The following ACOX3 variants were observed in gnomAD, a reference collection of about 807,000 sequenced individuals.
ACOX3 encodes the protein acyl-CoA oxidase 3, pristanoyl, also known as peroxisomal acyl-coenzyme A oxidase 3.
A neutral mutation model predicts 81.5 loss-of-function variants in ACOX3; 73 were observed. The ratio of observed to expected loss-of-function variants is 0.90; its 90% CI spans 0.74 to 1.09. The LOEUF is 1.09. ACOX3 is among the 50% of genes least tolerant of loss of function. ACOX3 has a pLI of 0.00. For synonymous variants in ACOX3, 387 were observed against 375.1 expected, an observed-to-expected ratio of 1.03 and a Z score of -0.37; for missense variants, 947 against 928.0, an observed-to-expected ratio of 1.02 and a Z score of -0.27.
At chr4:8,438,164 A>G (rs955587766) in intron 1 of ACOX3, among the ~76,000 whole-genome samples, 2 of 152,252 alleles carry the variant, frequency 1.3e-5, no homozygotes, top group Admixed American at 1.3e-4. Context: ...AGTTTTCCCC[A>G]CCAGGACAGA....
intron 5 of ACOX3, among the ~76,000 whole-genome samples, chr4:8,413,930 C>T (rs1722059148): frequency 6.6e-6 from 1 of 152,246 alleles, no homozygotes; most frequent in African/African-American, 2.4e-5. Flanking sequence ...CCATGGGGCC[C>T]ACCGTAGAAA....
the ACOX3 span, among the ~76,000 whole-genome samples, chr4:8,360,798 T>C: frequency 4.6e-5 from 7 of 152,176 alleles, no homozygotes; most frequent in African/African-American, 1.7e-4. Flanking sequence ...TTCAGTTTCC[T>C]ACTCTGGAGC....
chr4:8,381,295 C>T lies in ACOX3; in HGVS notation c.1653+197G>A, dbSNP rs943510270. 6.6e-5 allele frequency among the ~76,000 whole-genome samples: 10 copies of T among 152,140 alleles called. No individual in the cohort carries two copies. The highest frequency in any genetic ancestry group is 2.6e-4 in the Admixed American group (4 of 15,280). On this transcript the variant is annotated intron_variant, in intron 14 of 17. Transcript: ENST00000356406. This position sits in a 1 kb window ranked among gnomAD's most constrained non-coding sequence, Gnocchi z 4.3. ...ATGTAACATCCATGACCTCCCCAGC[C>T]CAGCAAGACAGGTGCTGCCATCCCT...
At chr4:8,439,399 T>G (rs1338123217) in intron 1 of ACOX3, 1 of 152,186 alleles carries the variant, frequency 6.6e-6, no homozygotes, top group Admixed American at 6.5e-5. Context: ...CTGAAAACAT[T>G]GCCAGCAGCC....
At chr4:8,380,359 T>G (rs1434175234) in intron 14 of ACOX3, among the ~76,000 whole-genome samples, 1 of 152,008 alleles carries the variant, frequency 6.6e-6, no homozygotes, top group African/African-American at 2.4e-5. Context: ...CTGGCCAATT[T>G]TTTGTATTTT....
chr4:8,387,710 C>T (rs556618325), intron 13 of ACOX3, among the ~76,000 whole-genome samples: 3 of 152,288 alleles, frequency 2.0e-5, no homozygotes, highest in South Asian at 2.1e-4. Flanking sequence ...GCACCCAGAC[C>T]ACTGGGCAAG....
At chr4:8,371,853 C>T (rs1246903182) in intron 16 of ACOX3, among the ~76,000 whole-genome samples, 2 of 152,276 alleles carry the variant, frequency 1.3e-5, no homozygotes, top group East Asian at 3.8e-4. Flanking sequence ...GAGATGTTAC[C>T]GGCTTTGCGG....
At chr4:8,420,834 G>C (rs1722863547) in intron 1 of ACOX3, among the ~76,000 whole-genome samples, 1 of 152,224 alleles carries the variant, frequency 6.6e-6, no homozygotes, top group Non-Finnish European at 1.5e-5. Flanking sequence ...TTCTGATCCA[G>C]TGAGGCACCC....
intron 9 of ACOX3, 140 bp downstream of exon 9, chr4:8,396,797 G>C: frequency 1.0e-6 from 1 of 958,590 alleles, no homozygotes; most frequent in Non-Finnish European, 1.5e-6. Flanking sequence ...CTGAGATGCC[G>C]CACTCCCGCT....
intron 14 of ACOX3, 57 bp from the exon 15 acceptor site, chr4:8,375,209 C>T: frequency 6.8e-7 from 1 of 1,463,024 alleles, no homozygotes; most frequent in Non-Finnish European, 9.1e-7. Flanking sequence ...GCCCAGATTC[C>T]CGGGGGAGGA....
chr4:8,429,577 T>G (rs1346281594), intron 1 of ACOX3, among the ~76,000 whole-genome samples: 1 of 152,154 alleles, frequency 6.6e-6, no homozygotes, highest in Non-Finnish European at 1.5e-5. Context: ...CTTGCACAAG[T>G]TAAGTCCTTG....
chr4:8,373,832 T>G (rs1368871356), intron 15 of ACOX3: 1 of 600,020 alleles, frequency 1.7e-6, no homozygotes, highest in Non-Finnish European at 3.0e-6. Context: ...CTTTTCCCAC[T>G]CAGGCATTGA....
the ACOX3 span, among the ~76,000 whole-genome samples, chr4:8,360,167 A>G: frequency 6.6e-6 from 1 of 150,902 alleles, no homozygotes; most frequent in Non-Finnish European, 1.5e-5. Flanking sequence ...TTCAGGGTTC[A>G]ATTCCTGGCT....
intron 15 of ACOX3, 137 bp from the exon 16 acceptor site, chr4:8,373,765 T>C: frequency 1.3e-6 from 1 of 742,926 alleles, no homozygotes; most frequent in Non-Finnish European, 2.3e-6. Context: ...GTCATTGCTG[T>C]CCCCAGCCCA....
chr4:8,405,678 G>A lies in ACOX3; in HGVS notation c.776+277C>T, dbSNP rs1720855231. Among the ~76,000 whole-genome samples, 1 of 152,230 alleles carries A rather than the reference G, an allele frequency of 6.6e-6. No individual in the cohort carries two copies. The highest frequency in any genetic ancestry group is 1.5e-5 in the Non-Finnish European group (1 of 68,034). On this transcript the variant is annotated intron_variant, in intron 7 of 17. Transcript: ENST00000356406. This position sits in a 1 kb window ranked among gnomAD's most constrained non-coding sequence, Gnocchi z 7.1. ...AGCCCCCCAGGCAGGGGCCCCACCA[G>A]TTGTACACAGAGGTCTGGGTCTGAT...
intron 5 of ACOX3, among the ~76,000 whole-genome samples, chr4:8,412,412 A>G (rs1330261625): frequency 1.4e-5 from 2 of 139,362 alleles, no homozygotes; most frequent in Non-Finnish European, 3.1e-5. Context: ...GGATGGATGA[A>G]AGAATGAATG....
At position 8,415,789 on chromosome 4, in the gene ACOX3, C is replaced by T. The variant is rs1315140799; in HGVS notation, c.355G>A (p.Ala119Thr). ...ACCAAGCTATGGAGGAGGTACTTGGCAGCCAGAGAAGAGTCATACATGCCC... is the reference window on the plus strand; with the variant it reads ...ACCAAGCTATGGAGGAGGTACTTGGTAGCCAGAGAAGAGTCATACATGCCC... ...CLGMYDSSLA[A>T]KYLLHSLVFG... Residue 119 changes from alanine to threonine, a missense_variant, in exon 3 of 18, where the codon GCC becomes ACC. By Grantham distance (58) the Ala-to-Thr change is moderately conservative (BLOSUM62 0). Coordinates refer to ENST00000356406, the MANE Select transcript of ACOX3 (RefSeq NM_003501.3). 1.2e-6 allele frequency: 2 copies of T among 1,614,110 alleles called. No individual in the cohort carries two copies. The highest frequency in any genetic ancestry group is 1.7e-6 in the Non-Finnish European group (2 of 1,180,018).
chr4:8,426,321 C>A, intron 1 of ACOX3, among the ~76,000 whole-genome samples: 1 of 152,048 alleles, frequency 6.6e-6, no homozygotes, highest in Non-Finnish European at 1.5e-5. Context: ...ATTTTATCTA[C>A]CCTGAGTGCA....
chr4:8,365,673 G>A (rs1208388352), downstream of ACOX3, among the ~76,000 whole-genome samples: 1 of 152,208 alleles, frequency 6.6e-6, no homozygotes, highest in Non-Finnish European at 1.5e-5. Flanking sequence ...TAAGGTGCTG[G>A]CAGGCGGTAG....
Sources: allele counts gnomAD v4.1 joint callset (sites outside exome capture counted in the v4.1 genomes callset), GRCh38; gene constraint gnomAD v4.1.1; non-coding constraint Gnocchi (gnomAD v3.1); transcripts MANE v1.5; gene names NCBI Gene and HGNC (gene_info 2026-07-23, HGNC 2026-07-21).